GRID2: variants seen among roughly 807,000 people sequenced by gnomAD.
GRID2 encodes the protein glutamate ionotropic receptor delta type subunit 2, also known as glutamate receptor ionotropic, delta-2.
Under a neutral mutation model 114.8 loss-of-function variants are expected in GRID2, and 33 were observed. That is an observed-to-expected ratio of 0.29 (90% CI 0.22 to 0.38). The LOEUF is 0.38. Among genes scored for constraint, GRID2 ranks in the 10% least tolerant of loss-of-function variants. The probability of loss-of-function intolerance (pLI) is 1.00; values close to 1 mark genes in which losing one functional copy is unlikely to be tolerated. For synonymous variants in GRID2, 505 were observed against 449.9 expected (o/e 1.12, Z -1.55); for missense variants, 1,184 against 1,257.7 (o/e 0.94, Z 0.89).
intron 2 of GRID2, among the ~76,000 whole-genome samples, chr4:92,790,214 G>A (rs1739516626): frequency 6.6e-6 from 1 of 151,506 alleles, no homozygotes; most frequent in African/African-American, 2.4e-5. Context: ...ACAAATATAT[G>A]TATATATTTT....
At chr4:93,595,292 T>A (rs1738961062) in intron 13 of GRID2, among the ~76,000 whole-genome samples, 1 of 152,180 alleles carries the variant, frequency 6.6e-6, no homozygotes. Flanking sequence ...AGATTTAATT[T>A]TATTAGTATT....
In GRID2 at chr4:92,509,906, A is replaced by G. The variant is rs182360954; in HGVS notation, c.89-80225A>G. On this transcript the variant is annotated intron_variant, in intron 1 of 15. Coordinates refer to ENST00000282020, the MANE Select transcript of GRID2 (RefSeq NM_001510.4). ...CCAAGGGATAAGGGAAGGCCAAATT[A>G]TGAAAAGCCATGTTGGCTACTGTGA... Among the ~76,000 whole-genome samples, 365 of 152,024 alleles carry G rather than the reference A, an allele frequency of 2.4e-3. 2 individuals carry two copies. Among genetic ancestry groups the G allele is most frequent in the African/African-American group, 8.5e-3 (353 of 41,526 alleles).
At chr4:93,592,151 G>A (rs1273995955) in intron 13 of GRID2, among the ~76,000 whole-genome samples, 2 of 151,714 alleles carry the variant, frequency 1.3e-5, no homozygotes, top group Non-Finnish European at 2.9e-5. Context: ...GTGATGTTAG[G>A]GTGTCAATTT....
At chr4:93,648,119 G>A (rs1325966740) in intron 14 of GRID2, among the ~76,000 whole-genome samples, 1 of 152,076 alleles carries the variant, frequency 6.6e-6, no homozygotes, top group East Asian at 1.9e-4. Flanking sequence ...AAAGAGGGAC[G>A]ATACCATAAA....
At chr4:92,947,106 C>T (rs1229055324) in intron 2 of GRID2, among the ~76,000 whole-genome samples, 1 of 152,014 alleles carries the variant, frequency 6.6e-6, no homozygotes, top group Non-Finnish European at 1.5e-5. Flanking sequence ...GAGGATATAA[C>T]AGAAAACTGG....
intron 1 of GRID2, among the ~76,000 whole-genome samples, chr4:92,310,772 C>T (rs1725661673): frequency 6.6e-6 from 1 of 151,554 alleles, no homozygotes; most frequent in Admixed American, 6.6e-5. Context: ...ATTATATGAA[C>T]TAAATGGAGA....
At chr4:93,631,159 C>T (rs1743209338) in intron 14 of GRID2, among the ~76,000 whole-genome samples, 1 of 152,024 alleles carries the variant, frequency 6.6e-6, no homozygotes, top group Non-Finnish European at 1.5e-5. Flanking sequence ...TACTGCGTTT[C>T]ACAAAAATGA....
intron 2 of GRID2, among the ~76,000 whole-genome samples, chr4:93,062,279 T>C (rs1727873770): frequency 6.6e-6 from 1 of 152,128 alleles, no homozygotes; most frequent in South Asian, 2.1e-4. Context: ...GGTAAGAATT[T>C]CAGTTATTAT....
chr4:93,381,670 A>G (rs1763867548), intron 8 of GRID2, among the ~76,000 whole-genome samples: 1 of 152,076 alleles, frequency 6.6e-6, no homozygotes, highest in African/African-American at 2.4e-5. Flanking sequence ...TCTCTCTTTT[A>G]CATTTCCATA....
chr4:93,575,489 C>T lies in GRID2; in HGVS notation c.2194-50780C>T, dbSNP rs571771829. On this transcript the variant is annotated intron_variant, in intron 13 of 15. Coordinates refer to ENST00000282020, the MANE Select transcript of GRID2 (RefSeq NM_001510.4). Reference sequence around the variant, plus strand: ...TAGGCTTTGATGGTTTTGTAGAAGCCGAATCCTTCCCATATCTGCCACTTA... The same window carrying T: ...TAGGCTTTGATGGTTTTGTAGAAGCTGAATCCTTCCCATATCTGCCACTTA... Among the ~76,000 whole-genome samples, 13 of 152,050 alleles carry T rather than the reference C, an allele frequency of 8.5e-5. 1 individual carries two copies. Among genetic ancestry groups the T allele is most frequent in the Admixed American group, 5.9e-4 (9 of 15,254 alleles).
At chr4:93,742,847 A>G (rs972595891) in intron 14 of GRID2, among the ~76,000 whole-genome samples, 10 of 152,182 alleles carry the variant, frequency 6.6e-5, no homozygotes, top group Non-Finnish European at 1.3e-4. Flanking sequence ...ATAACCCTAC[A>G]ATAGCTTCTA....
At chr4:93,691,425 A>G (rs1726553226) in intron 14 of GRID2, among the ~76,000 whole-genome samples, 1 of 152,118 alleles carries the variant, frequency 6.6e-6, no homozygotes, top group African/African-American at 2.4e-5. Flanking sequence ...GTTGTATTTT[A>G]AGCATAAAAC....
intron 13 of GRID2, among the ~76,000 whole-genome samples, chr4:93,618,036 A>C (rs2149678212): frequency 6.6e-6 from 1 of 152,294 alleles, no homozygotes; most frequent in East Asian, 1.9e-4. Context: ...CCTCCCTGAA[A>C]GTTTACTCAT....
At chr4:93,232,125 GA>G in intron 7 of GRID2, among the ~76,000 whole-genome samples, 1 of 151,918 alleles carries the variant, frequency 6.6e-6, no homozygotes. Flanking sequence ...AGTGATTTAG[GA>G]AAAAAATTAT....
chr4:92,620,748 T>C (rs1208778515), intron 2 of GRID2, among the ~76,000 whole-genome samples: 3 of 149,982 alleles, frequency 2.0e-5, no homozygotes, highest in Non-Finnish European at 4.4e-5. Flanking sequence ...TATATGACAG[T>C]ATTAGGACAC....
chr4:92,955,958 A>T (rs1035501406), intron 2 of GRID2, among the ~76,000 whole-genome samples: 2 of 152,108 alleles, frequency 1.3e-5, no homozygotes, highest in Non-Finnish European at 2.9e-5. Context: ...TGACCTCGTG[A>T]TCTGCCCACT....
chr4:93,670,494 T>C lies in GRID2; in HGVS notation c.2360+44059T>C, dbSNP rs112683907. On this transcript the variant is annotated intron_variant, in intron 14 of 15. Coordinates refer to ENST00000282020, the MANE Select transcript of GRID2 (RefSeq NM_001510.4). ...ATCTTGACATTTTAACTTGGATTTATAAGCCTAGATTTAGATATACCTACA... is the reference window on the plus strand; with the variant it reads ...ATCTTGACATTTTAACTTGGATTTACAAGCCTAGATTTAGATATACCTACA... Among the ~76,000 whole-genome samples the C allele has an allele frequency of 5.0e-3, 758 of 152,352 alleles. 2 individuals are homozygous for C. The highest frequency in any genetic ancestry group is 6.4e-3 in the Non-Finnish European group (436 of 68,018).
chr4:93,522,587 G>T (rs1336086010), intron 13 of GRID2, among the ~76,000 whole-genome samples: 13 of 151,978 alleles, frequency 8.6e-5, no homozygotes, highest in Admixed American at 7.2e-4. Flanking sequence ...CATAATTATT[G>T]TTATGAATCA....
At chr4:92,629,741 A>C (rs1165891065) in intron 2 of GRID2, among the ~76,000 whole-genome samples, 1 of 151,090 alleles carries the variant, frequency 6.6e-6, no homozygotes, top group Non-Finnish European at 1.5e-5. Flanking sequence ...TTAGATCACT[A>C]ACATAACTGA....
Sources: allele counts gnomAD v4.1 joint callset (sites outside exome capture counted in the v4.1 genomes callset), GRCh38; gene constraint gnomAD v4.1.1; transcripts MANE v1.5; gene names NCBI Gene and HGNC (gene_info 2026-07-23, HGNC 2026-07-21).